The following TTI1 variants were observed in gnomAD, a reference collection of about 807,000 sequenced individuals.
TTI1 encodes TELO2 interacting protein 1.
Under a neutral mutation model 85.4 loss-of-function variants are expected in TTI1, and 52 were observed. That is an observed-to-expected ratio of 0.61 (90% CI 0.49 to 0.77). The LOEUF (loss-of-function observed/expected upper bound fraction) is 0.77. Ranked by LOEUF, TTI1 falls within the 30% of genes least tolerant of loss-of-function variation. TTI1 has a pLI of 0.00. For synonymous variants in TTI1, 512 were observed against 503.9 expected, an observed-to-expected ratio of 1.02 and a Z score of -0.22; for missense variants, 1,173 against 1,296.0, an observed-to-expected ratio of 0.91 and a Z score of 1.46.
rs2073614121 is a variant in TTI1, at chr20:38,012,523, G to A, written c.1294C>T (p.Leu432Phe). ...VAHLQRLSKA[L>F]IQVLELDVAD... ...ACGTCTAGCTCTAGAACTTGGATGA[G>A]TGCTTTGGAAAGCCGCTGGAGATGG... Residue 432 changes from leucine to phenylalanine, a missense_variant, in exon 2 of 8, where the codon CTC becomes TTC. Physicochemically the swap from Leu to Phe is conservative, Grantham distance 22. Transcript: ENST00000373447. The A allele has an allele frequency of 6.2e-7, 1 of 1,614,178 alleles. No homozygotes were observed.
chr20:38,003,369 C>T (rs79283516), intron 3 of TTI1, among the ~76,000 whole-genome samples: 6,066 of 152,202 alleles, frequency 0.04, 386 homozygotes, highest in African/African-American at 0.13. Flanking sequence ...CTACTACATA[C>T]GTTTTTGCAT....
rs144435367 is a variant in TTI1 at position 38,028,084 on chromosome 20, G to A, written c.-42+5320C>T. 7.0e-3 allele frequency among the ~76,000 whole-genome samples: 1,063 copies of A among 152,254 alleles called. 5 individuals are homozygous for A. The highest frequency in any genetic ancestry group is 0.02 in the African/African-American group (842 of 41,548). The stretch of plus-strand genomic sequence containing the variant: ...AAAATCTGCATATAAATAGATGGCC[G>A]CAGTTCAAATCTGTGTTGTTCAAGG... On this transcript the variant is annotated intron_variant, in intron 1 of 7. Coordinates refer to ENST00000373447, the MANE Select transcript of TTI1 (RefSeq NM_001303457.2).
chr20:37,985,023 A>G (rs1167738914), intron 7 of TTI1, among the ~76,000 whole-genome samples: 1 of 152,236 alleles, frequency 6.6e-6, no homozygotes, highest in Non-Finnish European at 1.5e-5. Flanking sequence ...AAGGATCTGA[A>G]GGAGGGGTTA....
rs139891810 is a variant in TTI1, at chr20:38,013,462, A to G, written c.355T>C (p.Leu119=). 1.9e-5 allele frequency: 31 copies of G among 1,613,912 alleles called. No homozygotes were observed. In the African/African-American group the frequency reaches 3.7e-4, roughly 19 times the overall value. The change falls in exon 2 of 8, where the codon TTG becomes CTG. Residue 119 remains leucine (L), a synonymous_variant. Coordinates refer to ENST00000373447, the MANE Select transcript of TTI1 (RefSeq NM_001303457.2). ...AGTCCCTGGATCACAGCCAATTTCAACTCCTCGGACACAGCCGCAGGTTTT... is the reference window on the plus strand; with the variant it reads ...AGTCCCTGGATCACAGCCAATTTCAGCTCCTCGGACACAGCCGCAGGTTTT... ...SQKPAAVSEE[L]KLAVIQGLST... is the part of the protein sequence containing the mutation.
intron 1 of TTI1, among the ~76,000 whole-genome samples, chr20:38,025,724 G>GTATTT (rs2073828717): frequency 6.6e-6 from 1 of 151,860 alleles, no homozygotes. Flanking sequence ...AACAAATGAA[G>GTATTT]GAATAGAAAG....
intron 3 of TTI1, among the ~76,000 whole-genome samples, chr20:38,004,755 A>G (rs1466006221): frequency 6.6e-6 from 1 of 152,244 alleles, no homozygotes; most frequent in African/African-American, 2.4e-5. Context: ...GTGAACATCA[A>G]CTAACACCAG....
chr20:38,023,647 T>C (rs1190525482), intron 1 of TTI1, among the ~76,000 whole-genome samples: 1 of 152,256 alleles, frequency 6.6e-6, no homozygotes, highest in Non-Finnish European at 1.5e-5. Flanking sequence ...CAGCTTTACT[T>C]GTGGTTTCCC....
At position 38,023,994 on chromosome 20, in the gene TTI1, G is replaced by C. The variant is rs6068534; in HGVS notation, c.-42+9410C>G. On this transcript the variant is annotated intron_variant, in intron 1 of 7. Coordinates refer to ENST00000373447, the MANE Select transcript of TTI1 (RefSeq NM_001303457.2). ...TTACTCTAGGCTCACATAATGCTTA[G>C]TTTACAGCTGTCCCTTATAGAAAAT... is the stretch of plus-strand genomic sequence containing the variant. Among the ~76,000 whole-genome samples the C allele has an allele frequency of 6.8e-3, 1,038 of 152,262 alleles. 5 individuals are homozygous for C. Among genetic ancestry groups the C allele is most frequent in the African/African-American group, 0.02 (822 of 41,526 alleles).
intron 4 of TTI1, among the ~76,000 whole-genome samples, chr20:38,000,990 G>A (rs374695606): frequency 6.6e-6 from 1 of 152,150 alleles, no homozygotes; most frequent in Non-Finnish European, 1.5e-5. Context: ...TACCCAACAC[G>A]TATCTGCCGC....
At chr20:37,997,759 T>A (rs2073363809) in intron 5 of TTI1, among the ~76,000 whole-genome samples, 1 of 152,172 alleles carries the variant, frequency 6.6e-6, no homozygotes, top group Non-Finnish European at 1.5e-5. Context: ...CTCAGTGTCA[T>A]CATCGTGTCT....
At chr20:37,997,812 A>AT (rs1359653016) in intron 5 of TTI1, among the ~76,000 whole-genome samples, 2 of 151,390 alleles carry the variant, frequency 1.3e-5, no homozygotes, top group African/African-American at 2.4e-5. Context: ...ACACATCTTT[A>AT]TTTTTTTTCA....
intron 7 of TTI1, among the ~76,000 whole-genome samples, chr20:37,989,289 G>A (rs978314226): frequency 3.3e-5 from 5 of 152,038 alleles, no homozygotes; most frequent in African/African-American, 1.2e-4. Context: ...CTCACACAGA[G>A]ACCCATATCA....
Position 38,013,795 on chromosome 20 carries a change from C to T in TTI1, c.22G>A (p.Glu8Lys). ...GGACGTAAGACACCAAAGGCCTCCT[C>T]AGGAGTATCAAAAACTGCCATTGTG... The part of the protein sequence containing the change: MAVFDTP[E>K]EAFGVLRPVC... The change falls in exon 2 of 8, where the codon GAG (glutamate) becomes AAG (lysine). Residue 8 changes from glutamate (E) to lysine (K), a missense_variant. Glu to Lys is a moderately conservative substitution (Grantham distance 56, BLOSUM62 1). Transcript: ENST00000373447. The T allele has an allele frequency of 6.2e-7, 1 of 1,612,148 alleles. No individual in the cohort carries two copies. The highest frequency in any genetic ancestry group is 1.1e-5 in the South Asian group (1 of 90,958).
chr20:38,015,835 C>G (rs1486951821), intron 1 of TTI1, among the ~76,000 whole-genome samples: 2 of 152,138 alleles, frequency 1.3e-5, no homozygotes, highest in African/African-American at 4.8e-5. Context: ...TGCAGAGACG[C>G]AAACTGTGAG....
chr20:38,017,115 T>C (rs1004227610), intron 1 of TTI1, among the ~76,000 whole-genome samples: 8 of 152,224 alleles, frequency 5.3e-5, no homozygotes, highest in Non-Finnish European at 7.3e-5. Context: ...TTTGTGTATA[T>C]GTCTGTTTTA....
At chr20:38,028,146 A>G (rs1436514623) in intron 1 of TTI1, among the ~76,000 whole-genome samples, 3 of 152,186 alleles carry the variant, frequency 2.0e-5, no homozygotes, top group African/African-American at 4.8e-5. Context: ...GACTGAATCT[A>G]CAGAGACGGA....
chr20:38,026,800 A>G (rs2073841952), intron 1 of TTI1, among the ~76,000 whole-genome samples: 1 of 152,256 alleles, frequency 6.6e-6, no homozygotes, highest in African/African-American at 2.4e-5. Context: ...TGAGTTTTCA[A>G]AACTATGTTT....
Position 38,012,963 on chromosome 20 carries a change from T to C in TTI1, c.854A>G (p.Asp285Gly). The C allele has an allele frequency of 6.2e-7, 1 of 1,614,126 alleles. No individual in the cohort carries two copies. Among genetic ancestry groups the C allele is most frequent in the Non-Finnish European group, 8.5e-7 (1 of 1,180,024 alleles). The change falls in exon 2 of 8, where the codon GAC becomes GGC. Residue 285 changes from aspartate to glycine, a missense_variant. Asp to Gly is a moderately conservative substitution (Grantham distance 94). Transcript: ENST00000373447. ...READWVKKTGDKLTILIKKII... is the reference protein window; with the variant it reads ...READWVKKTGGKLTILIKKII... Reference sequence around the variant, plus strand: ...CTTTTTAATAAGGATAGTCAACTTGTCGCCAGTCTTTTTTACCCAATCTGC... The same window carrying C: ...CTTTTTAATAAGGATAGTCAACTTGCCGCCAGTCTTTTTTACCCAATCTGC...
Position 38,002,116 on chromosome 20 carries a change from C to A in TTI1, c.2652+512G>T, listed in dbSNP as rs534820321. 3.3e-5 allele frequency among the ~76,000 whole-genome samples: 5 copies of A among 152,226 alleles called. No homozygotes were observed. The East Asian group carries it at 7.7e-4, about 24-fold the overall frequency. On this transcript the variant is annotated intron_variant, in intron 4 of 7. Coordinates refer to ENST00000373447, the MANE Select transcript of TTI1 (RefSeq NM_001303457.2). The stretch of plus-strand genomic sequence containing the variant: ...GGGTGATTCTAAAAGCCCTGCCCCC[C>A]ACTTCTACCCCACCCCACTGCATCC...
Sources: allele counts gnomAD v4.1 joint callset (sites outside exome capture counted in the v4.1 genomes callset), GRCh38; gene constraint gnomAD v4.1.1; transcripts MANE v1.5; gene names NCBI Gene and HGNC (gene_info 2026-07-23, HGNC 2026-07-21).